SLC39A8: variants seen among roughly 807,000 people sequenced by gnomAD.
The protein encoded by SLC39A8 is solute carrier family 39 member 8, also known as metal cation symporter ZIP8.
In SLC39A8, 15 loss-of-function variants were observed where a neutral mutation model predicts 40.4. The ratio of observed to expected loss-of-function variants is 0.37; its 90% CI spans 0.25 to 0.57. SLC39A8 has a LOEUF of 0.57. Ranked by LOEUF, SLC39A8 falls within the 20% of genes least tolerant of loss-of-function variation. The pLI is 0.75. For missense variants in SLC39A8, 472 were observed against 558.8 expected (o/e 0.84, Z 1.57); for synonymous variants, 223 against 221.6 (o/e 1.01, Z -0.06).
chr4:102,261,381 G>A (rs1330691173), downstream of SLC39A8, among the ~76,000 whole-genome samples: 4 of 152,144 alleles, frequency 2.6e-5, no homozygotes, highest in African/African-American at 9.7e-5. Context: ...AAAAATTTAA[G>A]CACCTCATTA....
chr4:102,320,440 A>ATATATATATGAGAG (rs1734906966), intron 2 of SLC39A8, among the ~76,000 whole-genome samples: 1 of 99,370 alleles, frequency 1.0e-5, no homozygotes, highest in African/African-American at 3.9e-5. Flanking sequence ...ATATATGAGA[A>ATATATATATGAGAG]TATATATATG....
intron 6 of SLC39A8, among the ~76,000 whole-genome samples, chr4:102,296,168 C>G (rs1733669187): frequency 6.6e-6 from 1 of 151,964 alleles, no homozygotes. Flanking sequence ...CTTTTAAAGT[C>G]CAGCTTTACT....
chr4:102,333,675 A>C (rs903780393), intron 2 of SLC39A8, among the ~76,000 whole-genome samples: 11 of 152,132 alleles, frequency 7.2e-5, no homozygotes, highest in African/African-American at 2.7e-4. Flanking sequence ...AAAGAGTTAG[A>C]CATCAATTGT....
At chr4:102,344,206 C>G (rs1189763589) in intron 2 of SLC39A8, among the ~76,000 whole-genome samples, 7 of 152,188 alleles carry the variant, frequency 4.6e-5, no homozygotes, top group Admixed American at 2.0e-4. Context: ...AGTCGGACCT[C>G]TCAGTTCATC....
At chr4:102,280,408 C>A (rs1732818383) in intron 6 of SLC39A8, among the ~76,000 whole-genome samples, 1 of 152,126 alleles carries the variant, frequency 6.6e-6, no homozygotes, top group South Asian at 2.1e-4. Flanking sequence ...CAACACAATA[C>A]TATGAACTAT....
intron 6 of SLC39A8, among the ~76,000 whole-genome samples, chr4:102,286,827 A>T (rs2149020423): frequency 6.6e-6 from 1 of 152,244 alleles, no homozygotes; most frequent in Admixed American, 6.5e-5. Flanking sequence ...TCCTCAACTC[A>T]CTACAAGTTG....
chr4:102,337,315 G>GT (rs1274996626), intron 2 of SLC39A8, among the ~76,000 whole-genome samples: 2 of 151,474 alleles, frequency 1.3e-5, no homozygotes, highest in African/African-American at 4.8e-5. Flanking sequence ...AAAGTAATAG[G>GT]TTTTTATGAC....
rs569328887 is a variant in SLC39A8, at chr4:102,334,662, A to G, written c.219+9782T>C. On this transcript the variant is annotated intron_variant, in intron 2 of 8. Transcript: ENST00000356736. ...TGGCATTAGTTCTACCTTGACATTC[A>G]GGCACTTGGATGACACAAGAGGCAC... Among the ~76,000 whole-genome samples the G allele has an allele frequency of 5.3e-5, 8 of 152,296 alleles. No homozygotes were observed. The East Asian group carries it at 1.2e-3, about 22-fold the overall frequency.
chr4:102,315,878 C>T (rs1186157525), intron 2 of SLC39A8, 48 bp from the exon 3 acceptor site: 1 of 1,520,468 alleles, frequency 6.6e-7, no homozygotes, highest in East Asian at 2.3e-5. Flanking sequence ...TGTGTAAAAG[C>T]ACATAAGCAA....
rs187306767 is a variant in SLC39A8, at chr4:102,320,051, C to T, written c.220-4221G>A. On this transcript the variant is annotated intron_variant, in intron 2 of 8. Transcript: ENST00000356736. ...CCTCTGGTTCTCGGGCTTTCAGACA[C>T]AGGCTAAATTAAAGCATTGGCTTTC... Among the ~76,000 whole-genome samples, 481 of 151,012 alleles carry T rather than the reference C, an allele frequency of 3.2e-3. 3 individuals carry two copies. Among genetic ancestry groups the T allele is most frequent in the Non-Finnish European group, 4.3e-3 (292 of 67,844 alleles).
chr4:102,262,940 G>A lies in SLC39A8; in HGVS notation c.*104C>T. The A allele has an allele frequency of 6.9e-7, 1 of 1,445,888 alleles. No homozygotes were observed. The highest frequency in any genetic ancestry group is 9.1e-7 in the Non-Finnish European group (1 of 1,102,668). 89.6% of individuals were successfully genotyped at this position (1,445,888 alleles called of 1,614,324 possible). A position where few individuals can be genotyped will look rare whatever the true frequency, so the allele number is the denominator to read the frequency against. On this transcript the variant is annotated 3_prime_UTR_variant, in exon 9 of 9. Transcript: ENST00000356736. ...TAGTTTTCTGGACCTACAGTTGAAA[G>A]CAAAATTATCTTTTTAACTAAATAG...
intron 2 of SLC39A8, among the ~76,000 whole-genome samples, chr4:102,337,274 G>T (rs1210918423): frequency 1.4e-5 from 2 of 144,510 alleles, no homozygotes; most frequent in African/African-American, 5.1e-5. Flanking sequence ...TAAATTTAAA[G>T]AAAACACCTT....
chr4:102,321,683 C>T (rs1487614584), intron 2 of SLC39A8, among the ~76,000 whole-genome samples: 1 of 152,062 alleles, frequency 6.6e-6, no homozygotes, highest in Admixed American at 6.5e-5. Flanking sequence ...GAAGAGAAGC[C>T]CATTTGGCAG....
At chr4:102,328,833 G>A (rs1383056489) in intron 2 of SLC39A8, among the ~76,000 whole-genome samples, 2 of 152,068 alleles carry the variant, frequency 1.3e-5, no homozygotes, top group Non-Finnish European at 2.9e-5. Flanking sequence ...AGACCATCCT[G>A]GTTAACACGG....
Position 102,267,632 on chromosome 4 carries a change from T to C in SLC39A8, c.1091A>G (p.Gln364Arg), listed in dbSNP as rs1131691502. The C allele has an allele frequency of 1.9e-6, 3 of 1,613,114 alleles. No individual in the cohort carries two copies. Among genetic ancestry groups the C allele is most frequent in the Non-Finnish European group, 2.5e-6 (3 of 1,179,774 alleles). The change falls in exon 8 of 9, where the codon CAA becomes CGA. Residue 364 changes from glutamine to arginine, a missense_variant. Physicochemically the swap from Gln to Arg is conservative, Grantham distance 43. This residue lies in a region of SLC39A8 where 239 missense variants were observed against 317.9 expected (regional missense o/e 0.75). Coordinates refer to ENST00000356736, the MANE Select transcript of SLC39A8 (RefSeq NM_001135146.2). ...ILLNAGMSTRQALLFNFLSAC... is the reference protein window; with the variant it reads ...ILLNAGMSTRRALLFNFLSAC... ...AGAAAGGAAGTTGAATAGCAAGGCT[T>C]GTCGAGTGCTCATCCCTGCATTGAG...
At chr4:102,254,434 C>T in intron 11 of SLC39A8, among the ~76,000 whole-genome samples, 1 of 152,122 alleles carries the variant, frequency 6.6e-6, no homozygotes, top group East Asian at 1.9e-4. Context: ...CCATAGTTCC[C>T]TACAATGGTT....
intron 6 of SLC39A8, among the ~76,000 whole-genome samples, chr4:102,283,338 G>T (rs1178098748): frequency 6.6e-6 from 1 of 152,188 alleles, no homozygotes. Context: ...GCAATAAGAG[G>T]TCAAGATACT....
At chr4:102,264,075 C>G (rs975396431) in intron 8 of SLC39A8, among the ~76,000 whole-genome samples, 39 of 152,190 alleles carry the variant, frequency 2.6e-4, no homozygotes, top group Admixed American at 2.6e-3. Flanking sequence ...CCATAAATCA[C>G]AAATGTTCTT....
chr4:102,298,822 C>T (rs1042182698), intron 6 of SLC39A8, among the ~76,000 whole-genome samples: 2 of 152,006 alleles, frequency 1.3e-5, no homozygotes, highest in African/African-American at 4.8e-5. Flanking sequence ...CAAAGTGATG[C>T]AGGACCCAGA....
Sources: gnomAD v4.1 joint callset for allele counts (sites outside exome capture counted in the v4.1 genomes callset) on GRCh38, gnomAD v4.1.1 for gene constraint, gnomAD v4.1.1 regional missense constraint, MANE v1.5 for transcripts, NCBI Gene and HGNC (gene_info 2026-07-23, HGNC 2026-07-21) for gene names.